SPHKAP: variants seen among roughly 807,000 people sequenced by gnomAD.
SPHKAP encodes the protein SPHK1 interactor, AKAP domain containing, also known as A-kinase anchor protein SPHKAP.
A neutral mutation model predicts 137.5 loss-of-function variants in SPHKAP; 67 were observed. That is an observed-to-expected ratio of 0.49 (90% CI 0.40 to 0.60). The LOEUF (loss-of-function observed/expected upper bound fraction) is 0.60. Among genes scored for constraint, SPHKAP ranks in the 20% least tolerant of loss-of-function variants. SPHKAP has a pLI of 0.00. For missense variants in SPHKAP, 2,097 were observed against 2,069.3 expected (o/e 1.01, Z -0.26); for synonymous variants, 813 against 785.3 (o/e 1.04, Z -0.59).
chr2:228,106,618 G>T (rs1698351673), intron 3 of SPHKAP, among the ~76,000 whole-genome samples: 1 of 152,220 alleles, frequency 6.6e-6, no homozygotes, highest in African/African-American at 2.4e-5. Context: ...TTTTGAAAAG[G>T]AATTAAGTCC....
At chr2:228,079,419 C>T (rs1191053969) in intron 3 of SPHKAP, among the ~76,000 whole-genome samples, 1 of 152,290 alleles carries the variant, frequency 6.6e-6, no homozygotes, top group Admixed American at 6.5e-5. Flanking sequence ...GCGCCTATGG[C>T]CCCAGGCTTC....
intron 3 of SPHKAP, among the ~76,000 whole-genome samples, chr2:228,091,876 T>G (rs1320610998): frequency 6.6e-6 from 1 of 151,986 alleles, no homozygotes; most frequent in Non-Finnish European, 1.5e-5. Context: ...CTTAAAGAAC[T>G]AAAAGTAGAA....
In SPHKAP at chr2:228,092,232, CAT is replaced by C. The variant is rs1309509786; in HGVS notation, c.246+16598_246+16599del. Among the ~76,000 whole-genome samples the C allele has an allele frequency of 2.0e-4, 29 of 146,718 alleles. 1 individual carries two copies. Among genetic ancestry groups the C allele is most frequent in the Admixed American group, 1.2e-3 (18 of 14,778 alleles). On this transcript the variant is annotated intron_variant, in intron 3 of 11. Transcript: ENST00000392056. ...ACATATATACACACATATATACACACATGTATACACACGTGTATATGTGTGTA... is the reference window on the plus strand; with the variant it reads ...ACATATATACACACATATATACACACGTATACACACGTGTATATGTGTGTA...
intron 7 of SPHKAP, among the ~76,000 whole-genome samples, chr2:228,014,687 G>C (rs1338099545): frequency 6.6e-6 from 1 of 152,120 alleles, no homozygotes; most frequent in Non-Finnish European, 1.5e-5. Context: ...CTAATGGGGA[G>C]CACTGGTACC....
chr2:228,001,294 C>CAT (rs1257387856), intron 7 of SPHKAP, among the ~76,000 whole-genome samples: 1 of 130,964 alleles, frequency 7.6e-6, no homozygotes, highest in African/African-American at 2.9e-5. Flanking sequence ...TATATCTATA[C>CAT]ATATAAATAT....
chr2:228,031,308 G>A (rs1031259223), intron 3 of SPHKAP, among the ~76,000 whole-genome samples: 15 of 152,138 alleles, frequency 9.9e-5, no homozygotes, highest in Admixed American at 3.9e-4. Context: ...AGGCAGCAGC[G>A]AGGCTGGGGG....
At chr2:228,140,026 C>A (rs981481054) in intron 1 of SPHKAP, among the ~76,000 whole-genome samples, 3 of 151,506 alleles carry the variant, frequency 2.0e-5, no homozygotes, top group African/African-American at 4.9e-5. Context: ...CTCACTGCAA[C>A]CTCCACCTCC....
intron 5 of SPHKAP, among the ~76,000 whole-genome samples, chr2:228,023,505 G>A (rs1694915873): frequency 6.6e-6 from 1 of 152,206 alleles, no homozygotes; most frequent in Non-Finnish European, 1.5e-5. Flanking sequence ...CAAAGTATCT[G>A]TGATCCCCCG....
chr2:228,118,250 T>G (rs948455856), intron 2 of SPHKAP, among the ~76,000 whole-genome samples: 2 of 147,520 alleles, frequency 1.4e-5, no homozygotes, highest in East Asian at 1.9e-4. Flanking sequence ...GTTTTTTTTT[T>G]TTTTTTTTTT....
At chr2:228,147,146 C>T (rs1456464029) in intron 1 of SPHKAP, among the ~76,000 whole-genome samples, 1 of 152,146 alleles carries the variant, frequency 6.6e-6, no homozygotes, top group African/African-American at 2.4e-5. Flanking sequence ...CAATGCCTGA[C>T]AATTAGTCAG....
intron 7 of SPHKAP, among the ~76,000 whole-genome samples, chr2:228,003,597 A>G (rs1015769114): frequency 2.0e-5 from 3 of 152,142 alleles, no homozygotes; most frequent in Admixed American, 6.5e-5. Context: ...TTCCAAAACT[A>G]TGTTGGATAG....
chr2:228,049,689 T>C (rs1213740401), intron 3 of SPHKAP, among the ~76,000 whole-genome samples: 1 of 152,170 alleles, frequency 6.6e-6, no homozygotes, highest in African/African-American at 2.4e-5. Flanking sequence ...GATCTTCCCA[T>C]TTTTTATGTC....
At chr2:228,159,069 G>A (rs1351873251) in intron 1 of SPHKAP, among the ~76,000 whole-genome samples, 1 of 152,122 alleles carries the variant, frequency 6.6e-6, no homozygotes, top group Non-Finnish European at 1.5e-5. Context: ...GATGGAGTCA[G>A]GGTTCCAGTC....
At chr2:228,114,956 C>T (rs372792550) in intron 2 of SPHKAP, among the ~76,000 whole-genome samples, 1 of 152,126 alleles carries the variant, frequency 6.6e-6, no homozygotes, top group Admixed American at 6.6e-5. Context: ...TCAGCTATCA[C>T]CAAGGATGGA....
chr2:227,991,371 A>G (rs2106161664), intron 9 of SPHKAP, 45 bp from the exon 10 acceptor site: 1 of 1,613,410 alleles, frequency 6.2e-7, no homozygotes, highest in Non-Finnish European at 8.5e-7. Context: ...GTTTAGAAGA[A>G]TAAGCTGTAA....
chr2:228,014,318 T>C (rs1228155773), intron 7 of SPHKAP, among the ~76,000 whole-genome samples: 1 of 152,220 alleles, frequency 6.6e-6, no homozygotes, highest in Non-Finnish European at 1.5e-5. Flanking sequence ...GTATTTCAGG[T>C]TAAGGGAATT....
intron 1 of SPHKAP, among the ~76,000 whole-genome samples, chr2:228,161,627 C>G (rs762462735): frequency 2.6e-5 from 4 of 152,090 alleles, no homozygotes; most frequent in Non-Finnish European, 4.4e-5. Context: ...TTGATAGGTG[C>G]AGCAAACCAC....
At chr2:228,169,397 A>G (rs906315172) in intron 1 of SPHKAP, among the ~76,000 whole-genome samples, 4 of 152,108 alleles carry the variant, frequency 2.6e-5, no homozygotes, top group Non-Finnish European at 5.9e-5. Context: ...TTTAACTGGA[A>G]GCTAATGCTC....
Position 228,018,165 on chromosome 2 carries a change from C to A in SPHKAP, c.2689G>T (p.Val897Phe). The A allele has an allele frequency of 6.2e-7, 1 of 1,614,178 alleles. No homozygotes were observed. Among genetic ancestry groups the A allele is most frequent in the East Asian group, 2.2e-5 (1 of 44,864 alleles). Residue 897 changes from valine (V) to phenylalanine (F), a missense_variant, in exon 7 of 12, where the codon GTT (valine) becomes TTT (phenylalanine). By Grantham distance (50) the Val-to-Phe change is conservative. Transcript: ENST00000392056. ...YNCATSRINE[V>F]QVNLSLLGDD... is the part of the protein sequence containing the mutation. ...CCTAACAAGGACAGGTTGACTTGAA[C>A]TTCGTTGATGCGAGATGTGGCACAG...
Sources: allele counts gnomAD v4.1 joint callset (sites outside exome capture counted in the v4.1 genomes callset), GRCh38; gene constraint gnomAD v4.1.1; transcripts MANE v1.5; gene names NCBI Gene and HGNC (gene_info 2026-07-23, HGNC 2026-07-21).